The following ERBB4 variants were observed in gnomAD, a reference collection of about 807,000 sequenced individuals.
The protein encoded by ERBB4 is erb-b2 receptor tyrosine kinase 4.
In ERBB4, 42 loss-of-function variants were observed where a neutral mutation model predicts 158.0. The observed-to-expected ratio is 0.27, with a 90% confidence interval of 0.21 to 0.34. The LOEUF is 0.34. Ranked by LOEUF, ERBB4 falls within the 10% of genes least tolerant of loss-of-function variation. The pLI, the probability that ERBB4 is intolerant of heterozygous loss-of-function variation, is 1.00. For synonymous variants in ERBB4, 583 were observed against 558.7 expected (o/e 1.04, Z -0.61); for missense variants, 1,333 against 1,624.1 (o/e 0.82, Z 3.08).
intron 1 of ERBB4, among the ~76,000 whole-genome samples, chr2:212,138,652 G>A (rs181422507): frequency 2.0e-5 from 3 of 151,884 alleles, no homozygotes; most frequent in East Asian, 1.9e-4. Flanking sequence ...ACAGAAAAAG[G>A]AGTAGGATAC....
chr2:212,172,753 G>A (rs928779240), intron 1 of ERBB4, among the ~76,000 whole-genome samples: 1 of 151,994 alleles, frequency 6.6e-6, no homozygotes, highest in Non-Finnish European at 1.5e-5. Context: ...GACAAATGGG[G>A]GTGGAAAAAC....
chr2:211,826,480 A>T (rs1433179717), intron 3 of ERBB4, among the ~76,000 whole-genome samples: 1 of 151,740 alleles, frequency 6.6e-6, no homozygotes, highest in African/African-American at 2.4e-5. Flanking sequence ...ATCTTCTCTT[A>T]TACTATATTA....
intron 2 of ERBB4, among the ~76,000 whole-genome samples, chr2:212,082,066 A>G (rs900489117): frequency 1.3e-5 from 2 of 152,110 alleles, no homozygotes; most frequent in African/African-American, 4.8e-5. Context: ...GTGATCTTTC[A>G]TATTTATGAA....
At chr2:211,937,152 C>G (rs2080347305) in intron 3 of ERBB4, among the ~76,000 whole-genome samples, 1 of 152,034 alleles carries the variant, frequency 6.6e-6, no homozygotes, top group Non-Finnish European at 1.5e-5. Context: ...TATGTTGGTG[C>G]TTTTACTTTT....
intron 15 of ERBB4, among the ~76,000 whole-genome samples, chr2:211,664,082 G>C (rs2071528853): frequency 6.6e-6 from 1 of 152,124 alleles, no homozygotes; most frequent in African/African-American, 2.4e-5. Flanking sequence ...GAATTTGAAT[G>C]GCAGAATATT....
In ERBB4 at chr2:211,774,073, A is replaced by AT. The variant is rs113991569; in HGVS notation, c.556+13951dup. 3.7e-3 allele frequency among the ~76,000 whole-genome samples: 524 copies of AT among 141,974 alleles called. 2 individuals carry two copies. Among genetic ancestry groups the AT allele is most frequent in the Non-Finnish European group, 3.6e-3 (237 of 65,068 alleles). 93.1% of individuals were successfully genotyped at this position (141,974 alleles called of 152,430 possible). ...AGATGCTCTGTGGTCACCCCAACCA[A>AT]TTTTTTTTTTTTTTCTTGAGATGGA... On this transcript the variant is annotated intron_variant, in intron 4 of 27. Transcript: ENST00000342788.
chr2:211,782,528 A>G (rs889730709), intron 4 of ERBB4, among the ~76,000 whole-genome samples: 8 of 152,196 alleles, frequency 5.3e-5, no homozygotes, highest in African/African-American at 1.9e-4. Context: ...CTTAAGGTCA[A>G]ATTGCTGGTA....
intron 4 of ERBB4, among the ~76,000 whole-genome samples, chr2:211,786,847 C>A (rs1008716929): frequency 6.6e-6 from 1 of 152,178 alleles, no homozygotes; most frequent in African/African-American, 2.4e-5. Context: ...TGAAACACAT[C>A]ATTTGTCTTG....
intron 3 of ERBB4, among the ~76,000 whole-genome samples, chr2:211,857,889 A>C (rs1449283208): frequency 1.3e-5 from 2 of 152,234 alleles, no homozygotes; most frequent in Admixed American, 6.5e-5. Context: ...AGAGTGAAGC[A>C]CACGGGTAAG....
intron 20 of ERBB4, among the ~76,000 whole-genome samples, chr2:211,437,543 A>C (rs1281563915): frequency 6.6e-6 from 1 of 152,216 alleles, no homozygotes; most frequent in Non-Finnish European, 1.5e-5. Flanking sequence ...GTTTTAATTC[A>C]ATGTGAAAAT....
At chr2:211,406,435 T>C (rs1281669344) in intron 25 of ERBB4, among the ~76,000 whole-genome samples, 2 of 152,206 alleles carry the variant, frequency 1.3e-5, no homozygotes, top group Non-Finnish European at 2.9e-5. Context: ...ACACAGCTAA[T>C]AGTAAGATGA....
chr2:212,310,494 A>T (rs1333693763), intron 1 of ERBB4, among the ~76,000 whole-genome samples: 1 of 150,592 alleles, frequency 6.6e-6, no homozygotes, highest in African/African-American at 2.4e-5. Context: ...CTTATTATAC[A>T]TAGGCATGTG....
At chr2:211,851,966 G>A (rs902902526) in intron 3 of ERBB4, among the ~76,000 whole-genome samples, 7 of 151,752 alleles carry the variant, frequency 4.6e-5, no homozygotes, top group African/African-American at 1.7e-4. Context: ...TTCTTCTATA[G>A]AGACATCTTG....
intron 2 of ERBB4, among the ~76,000 whole-genome samples, chr2:212,018,500 A>G (rs193242865): frequency 6.6e-6 from 1 of 152,190 alleles, no homozygotes; most frequent in African/African-American, 2.4e-5. Context: ...AAGACCTTAA[A>G]TTATCATCTT....
At chr2:212,506,192 T>G (rs1435633681) in intron 1 of ERBB4, among the ~76,000 whole-genome samples, 2 of 148,914 alleles carry the variant, frequency 1.3e-5, no homozygotes, top group South Asian at 2.1e-4. Context: ...ATACCCAAAC[T>G]TAATTAATAA....
chr2:212,278,280 T>A (rs1296809911), intron 1 of ERBB4, among the ~76,000 whole-genome samples: 1 of 151,800 alleles, frequency 6.6e-6, no homozygotes, highest in African/African-American at 2.4e-5. Flanking sequence ...CTTCTGTTCA[T>A]GGGCCAACTC....
chr2:212,295,492 A>G (rs1422118674), intron 1 of ERBB4, among the ~76,000 whole-genome samples: 2 of 152,108 alleles, frequency 1.3e-5, no homozygotes, highest in African/African-American at 4.8e-5. Context: ...AAACGTATGC[A>G]TATGCACTTA....
At chr2:212,285,174 T>A (rs1049441941) in intron 1 of ERBB4, among the ~76,000 whole-genome samples, 7 of 152,160 alleles carry the variant, frequency 4.6e-5, no homozygotes, top group African/African-American at 1.7e-4. Context: ...AGTTATAGAC[T>A]TTCGCCAAAA....
At chr2:211,856,629 C>T (rs892615302) in intron 3 of ERBB4, among the ~76,000 whole-genome samples, 6 of 151,968 alleles carry the variant, frequency 3.9e-5, no homozygotes, top group East Asian at 1.9e-4. Context: ...CCTCGTGATC[C>T]GCCCGCCTCG....
Sources: gnomAD v4.1 joint callset for allele counts (sites outside exome capture counted in the v4.1 genomes callset) on GRCh38, gnomAD v4.1.1 for gene constraint, MANE v1.5 for transcripts, NCBI Gene and HGNC (gene_info 2026-07-23, HGNC 2026-07-21) for gene names.